Variants in USP8 observed in about 807,000 individuals in gnomAD.
USP8 encodes ubiquitin specific peptidase 8.
USP8 carries 27 observed loss-of-function variants against 130.0 expected under a neutral mutation model. The ratio of observed to expected loss-of-function variants is 0.21; its 90% CI spans 0.15 to 0.29. The LOEUF (loss-of-function observed/expected upper bound fraction) is 0.29. Among genes scored for constraint, USP8 ranks in the 10% least tolerant of loss-of-function variants. The probability of loss-of-function intolerance (pLI) is 1.00; values close to 1 mark genes in which losing one functional copy is unlikely to be tolerated. For synonymous variants in USP8, 392 were observed against 444.1 expected, an observed-to-expected ratio of 0.88 and a Z score of 1.48; for missense variants, 1,029 against 1,312.2, an observed-to-expected ratio of 0.78 and a Z score of 3.33.
At chr15:50,449,110 C>T (rs1435628130) in intron 3 of USP8, among the ~76,000 whole-genome samples, 2 of 152,070 alleles carry the variant, frequency 1.3e-5, no homozygotes, top group Non-Finnish European at 2.9e-5. Flanking sequence ...TGCTCTTTGG[C>T]GCTTACTCAA....
intron 3 of USP8, among the ~76,000 whole-genome samples, chr15:50,446,183 A>G (rs1228756249): frequency 6.6e-6 from 1 of 152,196 alleles, no homozygotes; most frequent in Non-Finnish European, 1.5e-5. Flanking sequence ...CTCAGAAGCA[A>G]ACATTTTTAG....
intron 10 of USP8, among the ~76,000 whole-genome samples, chr15:50,478,791 G>C (rs920723536): frequency 2.6e-5 from 4 of 152,078 alleles, no homozygotes; most frequent in African/African-American, 9.7e-5. Context: ...GCCATGGCTC[G>C]TGCCTGTAAT....
chr15:50,508,069 C>CAAAAA lies in USP8; in HGVS notation c.*9002_*9006dup, dbSNP rs542709964. Reference sequence around the variant, plus strand: ...CGGGCGACAGTGCAAGACTCTGTCTCAAAAAAAAAAAAAAAAAAAAAAAAA... The same window carrying CAAAAA: ...CGGGCGACAGTGCAAGACTCTGTCTCAAAAAAAAAAAAAAAAAAAAAAAAAAAAAA... On this transcript the variant is annotated 3_prime_UTR_variant, in exon 20 of 20. Coordinates refer to ENST00000307179, the MANE Select transcript of USP8 (RefSeq NM_005154.5). The CAAAAA allele has an allele frequency of 1.2e-4, 8 of 66,698 alleles. No individual in the cohort carries two copies. Among genetic ancestry groups the CAAAAA allele is most frequent in the East Asian group, 4.0e-4 (1 of 2,472 alleles). 4.1% of individuals were successfully genotyped at this position (66,698 alleles called of 1,614,324 possible).
intron 11 of USP8, among the ~76,000 whole-genome samples, chr15:50,483,824 A>G (rs1407763459): frequency 6.6e-6 from 1 of 152,042 alleles, no homozygotes; most frequent in Non-Finnish European, 1.5e-5. Flanking sequence ...GTGATGTTAT[A>G]AGAAGATATG....
intron 3 of USP8, among the ~76,000 whole-genome samples, chr15:50,447,388 G>A (rs946183595): frequency 1.3e-5 from 2 of 151,846 alleles, no homozygotes; most frequent in East Asian, 1.9e-4. Context: ...CTACAGGCAC[G>A]TGCCTCCACG....
At position 50,427,632 on chromosome 15, in the gene USP8, GGCTCACTGAAATGTCC is replaced by G. The variant is rs1401826430; in HGVS notation, c.-66+3121_-66+3136del. On this transcript the variant is annotated intron_variant, in intron 1 of 19. Coordinates refer to ENST00000307179, the MANE Select transcript of USP8 (RefSeq NM_005154.5). ...GGCTGGAGTGCAGTGGTGAGTTCTC[GGCTCACTGAAATGTCC>G]GCCTCCTGGGTTTAAGCAATTCTGC... Among the ~76,000 whole-genome samples the G allele has an allele frequency of 3.4e-5, 5 of 146,574 alleles. No individual in the cohort carries two copies. The East Asian group carries it at 1.0e-3, about 29-fold the overall frequency.
chr15:50,436,589 C>A (rs1246492977), intron 1 of USP8, among the ~76,000 whole-genome samples: 1 of 151,938 alleles, frequency 6.6e-6, no homozygotes, highest in African/African-American at 2.4e-5. Context: ...ACCTCACCTC[C>A]CGGGTTCAAG....
chr15:50,457,084 A>G (rs1336281435), intron 4 of USP8, among the ~76,000 whole-genome samples: 2 of 152,328 alleles, frequency 1.3e-5, no homozygotes, highest in South Asian at 2.1e-4. Context: ...TTTGGTCACT[A>G]TTAACATGAT....
intron 4 of USP8, among the ~76,000 whole-genome samples, chr15:50,455,358 A>G (rs1211360158): frequency 6.7e-6 from 1 of 148,476 alleles, no homozygotes; most frequent in Non-Finnish European, 1.5e-5. Context: ...GATTATAGGC[A>G]TGAGCCACTG....
At chr15:50,449,955 G>T (rs900093507) in intron 4 of USP8, among the ~76,000 whole-genome samples, 20 of 135,768 alleles carry the variant, frequency 1.5e-4, no homozygotes, top group African/African-American at 5.3e-4. Flanking sequence ...GTGCAGTGGC[G>T]CGATCTCAGC....
chr15:50,468,746 C>T (rs930169373), intron 7 of USP8, among the ~76,000 whole-genome samples: 1 of 152,052 alleles, frequency 6.6e-6, no homozygotes, highest in Non-Finnish European at 1.5e-5. Context: ...TTGTTTCCTT[C>T]TTTGTGTTCA....
chr15:50,496,373 C>CA (rs982715548), intron 17 of USP8, among the ~76,000 whole-genome samples: 2 of 151,078 alleles, frequency 1.3e-5, no homozygotes, highest in Non-Finnish European at 2.9e-5. Flanking sequence ...CCCCGCTACT[C>CA]AGGAGGCTGA....
At chr15:50,480,531 CTT>C (rs1348004438) in intron 10 of USP8, among the ~76,000 whole-genome samples, 1 of 152,096 alleles carries the variant, frequency 6.6e-6, no homozygotes, top group East Asian at 1.9e-4. Context: ...CCAGGGAAGT[CTT>C]TTCAGAGGGA....
intron 16 of USP8, among the ~76,000 whole-genome samples, chr15:50,495,287 CATATATACATATATACGTGTATAT>C (rs2052342365): frequency 4.7e-4 from 1 of 2,132 alleles, no homozygotes; most frequent in Non-Finnish European, 9.8e-4. Flanking sequence ...TATACACATA[CATATATACATATATACGTGTATAT>C]ATACATACAT....
chr15:50,457,887 A>AC (rs2050846344), intron 4 of USP8, among the ~76,000 whole-genome samples: 1 of 151,712 alleles, frequency 6.6e-6, no homozygotes, highest in Admixed American at 6.6e-5. Flanking sequence ...GAAAAGAAAA[A>AC]AAAAAGAAAA....
In USP8 at chr15:50,506,012, T is replaced by C. The variant is rs2052653108; in HGVS notation, c.*6924T>C. The C allele has an allele frequency of 6.6e-6, 1 of 152,358 alleles. No individual in the cohort carries two copies. The allele number at this position is 152,358 out of a possible 1,614,324, so 9.4% of individuals were successfully genotyped here. A position where few individuals can be genotyped will look rare whatever the true frequency, so the allele number is the denominator to read the frequency against. On this transcript the variant is annotated 3_prime_UTR_variant, in exon 20 of 20. Coordinates refer to ENST00000307179, the MANE Select transcript of USP8 (RefSeq NM_005154.5). ...TTCAGTGATCAGAATTACAGTGTTC[T>C]AAGAGCTTTCCATTTCTTTGGGAGC...
At chr15:50,449,882 C>T (rs2050564839) in intron 4 of USP8, among the ~76,000 whole-genome samples, 1 of 135,164 alleles carries the variant, frequency 7.4e-6, no homozygotes, top group African/African-American at 2.8e-5. Context: ...TGCCTGGCCC[C>T]AATATTTCTT....
Position 50,500,904 on chromosome 15 carries a change from T to C in USP8, c.*1816T>C, listed in dbSNP as rs557938552. On this transcript the variant is annotated 3_prime_UTR_variant, in exon 20 of 20. Coordinates refer to ENST00000307179, the MANE Select transcript of USP8 (RefSeq NM_005154.5). ...ACACTAACTACTGGAACAGAAATGA[T>C]AGGGCCAAGAGATGCTTTTTAAATT... 1.2e-4 allele frequency: 154 copies of C among 1,266,904 alleles called. No individual in the cohort carries two copies. The East Asian group carries it at 3.8e-3, about 31-fold the overall frequency. 78.5% of individuals were successfully genotyped at this position (1,266,904 alleles called of 1,614,324 possible). A position where few individuals can be genotyped will look rare whatever the true frequency, so the allele number is the denominator to read the frequency against.
intron 4 of USP8, among the ~76,000 whole-genome samples, chr15:50,456,503 T>C (rs2050793284): frequency 6.7e-6 from 1 of 149,594 alleles, no homozygotes; most frequent in Non-Finnish European, 1.5e-5. Context: ...GAACCTGAGA[T>C]GCAGAGGTTT....
Sources: gnomAD v4.1 joint callset for allele counts (sites outside exome capture counted in the v4.1 genomes callset) on GRCh38, gnomAD v4.1.1 for gene constraint, MANE v1.5 for transcripts, NCBI Gene and HGNC (gene_info 2026-07-23, HGNC 2026-07-21) for gene names.